SMCO2: variants seen among roughly 807,000 people sequenced by gnomAD.
The protein encoded by SMCO2 is single-pass membrane protein with coiled-coil domains 2, also known as single-pass membrane and coiled-coil domain-containing protein 2.
Under a neutral mutation model 29.5 loss-of-function variants are expected in SMCO2, and 25 were observed. The ratio of observed to expected loss-of-function variants is 0.85; its 90% CI spans 0.62 to 1.18. SMCO2 has a LOEUF of 1.18. Among genes scored for constraint, SMCO2 ranks in the 50% most tolerant of loss-of-function variants. SMCO2 has a pLI of 0.00. For synonymous variants in SMCO2, 117 were observed against 123.3 expected (o/e 0.95, Z 0.34); for missense variants, 348 against 344.5 (o/e 1.01, Z -0.08).
At chr12:27,472,644 G>A in intron 2 of SMCO2, 132 bp from the exon 3 acceptor site, 1 of 588,170 alleles carries the variant, frequency 1.7e-6, no homozygotes, top group Non-Finnish European at 3.0e-6. Context: ...AAAGAACTCA[G>A]TACAAGGATA....
intron 1 of SMCO2, among the ~76,000 whole-genome samples, chr12:27,469,907 C>A (rs1949527481): frequency 6.6e-6 from 1 of 152,170 alleles, no homozygotes; most frequent in Non-Finnish European, 1.5e-5. Context: ...CAGCTGATGC[C>A]AGTGTATATT....
intron 5 of SMCO2, chr12:27,494,086 AAAT>A: frequency 2.9e-6 from 1 of 341,014 alleles, no homozygotes; most frequent in Non-Finnish European, 5.4e-6. Flanking sequence ...AAAGTATTGA[AAAT>A]AATCTTGTTA....
At chr12:27,464,787 C>A (rs184219230), upstream of SMCO2, among the ~76,000 whole-genome samples, 1 of 148,114 alleles carries the variant, frequency 6.8e-6, no homozygotes, top group Non-Finnish European at 1.5e-5. Flanking sequence ...TTTGGGAGGC[C>A]GAGACGGGTG....
At chr12:27,433,451 G>T in the SMCO2 span, among the ~76,000 whole-genome samples, 1 of 151,776 alleles carries the variant, frequency 6.6e-6, no homozygotes, top group African/African-American at 2.4e-5. Context: ...TCAAATAAGA[G>T]GGCATCTGCT....
chr12:27,433,506 TACACACACAC>T, the SMCO2 span, among the ~76,000 whole-genome samples: 56 of 147,936 alleles, frequency 3.8e-4, no homozygotes, highest in South Asian at 8.6e-4. Context: ...CAGATGTGTA[TACACACACAC>T]ACACACACAC....
At chr12:27,429,030 T>C in the SMCO2 span, among the ~76,000 whole-genome samples, 2 of 152,104 alleles carry the variant, frequency 1.3e-5, no homozygotes, top group Non-Finnish European at 2.9e-5. Context: ...AATGTTCAGT[T>C]TGATTTAGCA....
the SMCO2 span, among the ~76,000 whole-genome samples, chr12:27,459,311 T>C: frequency 5.7e-3 from 869 of 152,138 alleles, 9 homozygotes; most frequent in Admixed American, 0.019. Context: ...TTGCAGCAAC[T>C]TGGATGGAGC....
At chr12:27,451,733 G>A in the SMCO2 span, among the ~76,000 whole-genome samples, 1 of 152,298 alleles carries the variant, frequency 6.6e-6, no homozygotes, top group Admixed American at 6.5e-5. Context: ...TTTATTTGGG[G>A]GTTGCAAACA....
chr12:27,483,449 GCT>G (rs1162137523), intron 4 of SMCO2, among the ~76,000 whole-genome samples: 2 of 151,506 alleles, frequency 1.3e-5, no homozygotes, highest in Admixed American at 6.6e-5. Context: ...AGACAGTCTT[GCT>G]CTGTCACCCA....
upstream of SMCO2, among the ~76,000 whole-genome samples, chr12:27,462,143 A>AT (rs1945517188): frequency 1.3e-5 from 2 of 152,166 alleles, no homozygotes; most frequent in Admixed American, 1.3e-4. Context: ...TTTCACAATG[A>AT]TGTTTTTTTC....
chr12:27,492,753 C>A (rs1003455050), intron 5 of SMCO2, among the ~76,000 whole-genome samples: 7 of 152,150 alleles, frequency 4.6e-5, no homozygotes, highest in African/African-American at 1.7e-4. Context: ...ATTAGTTCAA[C>A]CATTGTAGAA....
At chr12:27,484,474 G>C (rs1018844952) in intron 4 of SMCO2, among the ~76,000 whole-genome samples, 38 of 152,122 alleles carry the variant, frequency 2.5e-4, no homozygotes, top group African/African-American at 9.2e-4. Context: ...CATTCATTTT[G>C]TAAAGATAGT....
intron 4 of SMCO2, among the ~76,000 whole-genome samples, chr12:27,477,634 C>CTTTTTTTTTTTTTTTT (rs3051833): frequency 1.6e-4 from 18 of 109,632 alleles, no homozygotes; most frequent in African/African-American, 5.3e-4. Flanking sequence ...CTTTTTCATT[C>CTTTTTTTTTTTTTTTT]TTTTTTTTTT....
chr12:27,457,874 A>G, the SMCO2 span, among the ~76,000 whole-genome samples: 1 of 152,208 alleles, frequency 6.6e-6, no homozygotes, highest in Non-Finnish European at 1.5e-5. Flanking sequence ...GGGAGGTAGG[A>G]TGGTTGATGT....
At chr12:27,490,052 A>G (rs1157645681) in intron 5 of SMCO2, among the ~76,000 whole-genome samples, 1 of 152,210 alleles carries the variant, frequency 6.6e-6, no homozygotes, top group Non-Finnish European at 1.5e-5. Context: ...ACACAGTTTT[A>G]TGTACACATT....
the SMCO2 span, among the ~76,000 whole-genome samples, chr12:27,426,040 A>G: frequency 1.6e-4 from 24 of 152,168 alleles, no homozygotes; most frequent in African/African-American, 5.1e-4. Context: ...TACATGCTCA[A>G]CCTTGGGTTG....
chr12:27,445,293 C>T, the SMCO2 span, among the ~76,000 whole-genome samples: 2 of 151,986 alleles, frequency 1.3e-5, no homozygotes, highest in African/African-American at 4.8e-5. Context: ...TATAGTGTAC[C>T]TCAATAAAAT....
At chr12:27,498,016 A>T in intron 7 of SMCO2, 1 of 279,510 alleles carries the variant, frequency 3.6e-6, no homozygotes, top group East Asian at 9.4e-5. Flanking sequence ...ACCTGGAATA[A>T]GGACTAAAGT....
chr12:27,469,287 A>G (rs1280260409), intron 1 of SMCO2, among the ~76,000 whole-genome samples: 5 of 152,132 alleles, frequency 3.3e-5, no homozygotes, highest in Non-Finnish European at 5.9e-5. Context: ...ATTTTTTGCC[A>G]CATTCAAAGT....
Sources: gnomAD v4.1 joint callset for allele counts (sites outside exome capture counted in the v4.1 genomes callset) on GRCh38, gnomAD v4.1.1 for gene constraint, MANE v1.5 for transcripts, NCBI Gene and HGNC (gene_info 2026-07-23, HGNC 2026-07-21) for gene names.